FER: variants seen among roughly 807,000 people sequenced by gnomAD.
FER encodes tyrosine-protein kinase Fer.
A neutral mutation model predicts 111.0 loss-of-function variants in FER; 63 were observed. That is an observed-to-expected ratio of 0.57 (90% CI 0.46 to 0.70). The LOEUF (loss-of-function observed/expected upper bound fraction) is 0.70. Among genes scored for constraint, FER ranks in the 30% least tolerant of loss-of-function variants. The pLI is 0.00. For synonymous variants in FER, 327 were observed against 313.9 expected (o/e 1.04, Z -0.44); for missense variants, 914 against 954.0 (o/e 0.96, Z 0.55).
intron 15 of FER, among the ~76,000 whole-genome samples, chr5:109,046,346 A>T (rs35786031): frequency 1.9e-4 from 29 of 149,828 alleles, no homozygotes; most frequent in African/African-American, 6.4e-4. Flanking sequence ...TGTGTTAAAA[A>T]ATATATATAT....
chr5:109,027,922 G>C (rs1208711959), intron 13 of FER, among the ~76,000 whole-genome samples: 1 of 152,102 alleles, frequency 6.6e-6, no homozygotes. Context: ...GTATCTACTT[G>C]TATAAAGATG....
At chr5:109,051,686 C>T (rs1772851256) in intron 16 of FER, 6 of 1,573,188 alleles carry the variant, frequency 3.8e-6, no homozygotes, top group Non-Finnish European at 5.2e-6. Context: ...GACCCACAGT[C>T]TTTGGCGGGG....
intron 11 of FER, among the ~76,000 whole-genome samples, chr5:108,948,337 G>T (rs185775881): frequency 2.0e-5 from 3 of 152,140 alleles, no homozygotes; most frequent in Admixed American, 2.0e-4. Context: ...TCTGAATATT[G>T]TATTTGATGT....
intron 16 of FER, among the ~76,000 whole-genome samples, chr5:109,075,723 C>T (rs945848964): frequency 1.3e-5 from 2 of 151,890 alleles, no homozygotes; most frequent in Non-Finnish European, 2.9e-5. Flanking sequence ...ATGCCCAGCC[C>T]GCTTAGCATT....
intron 10 of FER, among the ~76,000 whole-genome samples, chr5:108,915,882 T>C (rs1752203684): frequency 6.6e-6 from 1 of 152,076 alleles, no homozygotes; most frequent in African/African-American, 2.4e-5. Flanking sequence ...AAAAAGGAGA[T>C]GAAGAAGAGG....
chr5:109,135,664 C>A (rs1752813391), intron 17 of FER, among the ~76,000 whole-genome samples: 1 of 152,108 alleles, frequency 6.6e-6, no homozygotes, highest in Non-Finnish European at 1.5e-5. Context: ...AAAACAAGGA[C>A]CACTATTATC....
intron 3 of FER, among the ~76,000 whole-genome samples, chr5:108,823,606 G>T (rs1759132702): frequency 1.3e-5 from 2 of 152,130 alleles, no homozygotes; most frequent in Non-Finnish European, 2.9e-5. Flanking sequence ...CAGGTCCTTT[G>T]CAGATTTTGA....
At chr5:108,846,348 G>A (rs927123580) in intron 5 of FER, among the ~76,000 whole-genome samples, 6 of 152,044 alleles carry the variant, frequency 3.9e-5, no homozygotes, top group Non-Finnish European at 5.9e-5. Context: ...TGAGAAGGGG[G>A]AGGATCGCTT....
intron 3 of FER, among the ~76,000 whole-genome samples, chr5:108,819,537 T>A (rs894912952): frequency 6.6e-6 from 1 of 152,168 alleles, no homozygotes; most frequent in Non-Finnish European, 1.5e-5. Context: ...GGTATTTTCT[T>A]CATAGTGTTG....
chr5:108,988,875 C>T (rs1182694843), intron 13 of FER, among the ~76,000 whole-genome samples: 1 of 151,864 alleles, frequency 6.6e-6, no homozygotes, highest in African/African-American at 2.4e-5. Context: ...TAGGTGTGAC[C>T]TTAGATTGTC....
intron 8 of FER, among the ~76,000 whole-genome samples, chr5:108,882,571 G>T (rs1296431183): frequency 6.6e-6 from 1 of 151,776 alleles, no homozygotes; most frequent in Non-Finnish European, 1.5e-5. Flanking sequence ...CACGAAAAGG[G>T]CTCTTTCTGG....
chr5:108,881,473 C>T (rs1765668096), intron 8 of FER, among the ~76,000 whole-genome samples: 1 of 152,154 alleles, frequency 6.6e-6, no homozygotes, highest in Non-Finnish European at 1.5e-5. Flanking sequence ...GGGTCCCTCT[C>T]ACAACACGTG....
At chr5:109,122,661 G>C (rs1464025725) in intron 17 of FER, among the ~76,000 whole-genome samples, 1 of 152,178 alleles carries the variant, frequency 6.6e-6, no homozygotes, top group Non-Finnish European at 1.5e-5. Context: ...AATGCGGAAA[G>C]TGGGGTGTTG....
intron 18 of FER, 140 bp from the exon 19 acceptor site, chr5:109,186,060 G>T: frequency 8.4e-7 from 1 of 1,196,086 alleles, no homozygotes; most frequent in East Asian, 2.3e-5. Flanking sequence ...CATTATACTG[G>T]GACCACTGTC....
intron 2 of FER, among the ~76,000 whole-genome samples, chr5:108,792,041 A>G (rs1359623393): frequency 6.6e-6 from 1 of 152,178 alleles, no homozygotes; most frequent in African/African-American, 2.4e-5. Context: ...ATTGATTTCT[A>G]TGTTTATCCA....
chr5:109,158,594 GCT>G (rs755017207), intron 17 of FER, among the ~76,000 whole-genome samples: 1 of 151,978 alleles, frequency 6.6e-6, no homozygotes, highest in Non-Finnish European at 1.5e-5. Flanking sequence ...TTAAATCTCA[GCT>G]CTGTTCATCA....
At position 108,845,067 on chromosome 5, in the gene FER, T is replaced by TACACACAC. The variant is rs61156019; in HGVS notation, c.481+9282_481+9289dup. 2.1e-3 allele frequency among the ~76,000 whole-genome samples: 112 copies of TACACACAC among 53,772 alleles called. 1 individual carries two copies. Among genetic ancestry groups the TACACACAC allele is most frequent in the Middle Eastern group, 9.1e-3 (1 of 110 alleles). The allele number at this position is 53,772 out of a possible 152,430, so 35.3% of individuals were successfully genotyped here. ...ATATATATATATATATATATATATATACACACACACACACACACACACACA... is the reference window on the plus strand; with the variant it reads ...ATATATATATATATATATATATATATACACACACACACACACACACACACACACACACA... On this transcript the variant is annotated intron_variant, in intron 5 of 19. Coordinates refer to ENST00000281092, the MANE Select transcript of FER (RefSeq NM_005246.4).
intron 1 of FER, among the ~76,000 whole-genome samples, chr5:108,754,565 G>C (rs1179664263): frequency 6.6e-6 from 1 of 151,880 alleles, no homozygotes; most frequent in Non-Finnish European, 1.5e-5. Flanking sequence ...TGCTACATAA[G>C]AAAATATTAT....
chr5:108,918,821 G>A (rs1054278586), intron 10 of FER, among the ~76,000 whole-genome samples: 10 of 152,132 alleles, frequency 6.6e-5, no homozygotes, highest in African/African-American at 2.4e-4. Flanking sequence ...TCCTTTCTTA[G>A]TGTCATTTCT....
Sources: gnomAD v4.1 joint callset for allele counts (sites outside exome capture counted in the v4.1 genomes callset) on GRCh38, gnomAD v4.1.1 for gene constraint, MANE v1.5 for transcripts, NCBI Gene and HGNC (gene_info 2026-07-23, HGNC 2026-07-21) for gene names.